Variants in SLC5A9 observed in about 807,000 individuals in gnomAD.
SLC5A9 encodes the protein solute carrier family 5 member 9.
Under a neutral mutation model 70.9 loss-of-function variants are expected in SLC5A9, and 59 were observed. The observed-to-expected ratio is 0.83, with a 90% confidence interval of 0.68 to 1.03. The LOEUF (loss-of-function observed/expected upper bound fraction) is 1.03. Ranked by LOEUF, SLC5A9 falls within the 50% of genes least tolerant of loss-of-function variation. SLC5A9 has a pLI of 0.00. For missense variants in SLC5A9, 832 were observed against 881.1 expected, an observed-to-expected ratio of 0.94 and a Z score of 0.71; for synonymous variants, 340 against 346.5, an observed-to-expected ratio of 0.98 and a Z score of 0.21.
At chr1:48,229,166 G>T in intron 3 of SLC5A9, 129 bp from the exon 4 acceptor site, 5 of 1,614,054 alleles carry the variant, frequency 3.1e-6, no homozygotes, top group Non-Finnish European at 3.4e-6. Context: ...GAGGACTGGG[G>T]TCAGGTCCCA....
At chr1:48,244,824 TTA>T (rs796467438) in intron 13 of SLC5A9, among the ~76,000 whole-genome samples, 3,462 of 74,892 alleles carry the variant, frequency 0.046, 113 homozygotes, top group African/African-American at 0.076. Flanking sequence ...TATATTTATA[TTA>T]TATATATAAA....
chr1:48,227,068 CGT>C (rs1483297935), intron 2 of SLC5A9, among the ~76,000 whole-genome samples: 1 of 151,082 alleles, frequency 6.6e-6, no homozygotes, highest in Non-Finnish European at 1.5e-5. Flanking sequence ...TGTATGTGCA[CGT>C]GTGTGCATAC....
rs770282251 is a variant in SLC5A9 at position 48,233,656 on chromosome 1, C to G, written c.1035C>G (p.Asp345Glu). ...PGMISRALFP[D>E]EVGCVDPDVC... ...TAACTGCCATTACTTCTTCCACAGA[C>G]GAGGTGGGCTGCGTGGACCCTGATG... is the stretch of plus-strand genomic sequence containing the variant. The change falls in exon 9 of 14, where the codon GAC becomes GAG. Residue 345 changes from aspartate (D) to glutamate (E), a missense_variant and splice_region_variant. Asp to Glu is a conservative substitution (Grantham distance 45). Coordinates refer to ENST00000438567, the MANE Select transcript of SLC5A9 (RefSeq NM_001011547.3). The G allele has an allele frequency of 5.0e-6, 8 of 1,613,344 alleles. No homozygotes were observed. Among genetic ancestry groups the G allele is most frequent in the Non-Finnish European group, 5.9e-6 (7 of 1,179,544 alleles).
Position 48,237,747 on chromosome 1 carries a change from G to A in SLC5A9, c.1361G>A (p.Gly454Glu). Residue 454 changes from glycine to glutamate, a missense_variant, in exon 11 of 14, where the codon GGG (glycine) becomes GAG (glutamate). Physicochemically the swap from Gly to Glu is moderately conservative, Grantham distance 98. Transcript: ENST00000438567. ...CCCATCATCCAAAGCTCCAACAGTG[G>A]GCAGCTCTTCGACTACATCCAGGCT... ...WIPIIQSSNS[G>E]QLFDYIQAVT... 1.9e-6 allele frequency: 3 copies of A among 1,614,022 alleles called. No individual in the cohort carries two copies. The highest frequency in any genetic ancestry group is 2.5e-6 in the Non-Finnish European group (3 of 1,180,006).
At chr1:48,227,490 CAT>C (rs1432524232) in intron 2 of SLC5A9, among the ~76,000 whole-genome samples, 2 of 110,946 alleles carry the variant, frequency 1.8e-5, no homozygotes, top group Non-Finnish European at 3.5e-5. Flanking sequence ...GGCGTGAGTG[CAT>C]GTGTGTGTCA....
At chr1:48,223,585 G>A (rs921025092) in intron 1 of SLC5A9, among the ~76,000 whole-genome samples, 17 of 152,276 alleles carry the variant, frequency 1.1e-4, no homozygotes, top group Middle Eastern at 3.4e-3. Flanking sequence ...CCTGGTGCCC[G>A]ATCAGCAGGC....
chr1:48,237,319 GA>G (rs1385157749), intron 10 of SLC5A9, among the ~76,000 whole-genome samples: 2 of 122,832 alleles, frequency 1.6e-5, no homozygotes, highest in African/African-American at 6.4e-5. Flanking sequence ...GGATGGAAAA[GA>G]GAAGACATTC....
At chr1:48,225,036 C>T (rs1256755929) in intron 2 of SLC5A9, among the ~76,000 whole-genome samples, 11 of 150,782 alleles carry the variant, frequency 7.3e-5, no homozygotes, top group Non-Finnish European at 1.3e-4. Flanking sequence ...CTACATCTGG[C>T]ACTTGACTTG....
Position 48,235,712 on chromosome 1 carries a change from G to T in SLC5A9, c.1142-17G>T, listed in dbSNP as rs1175131578. 6.2e-7 allele frequency: 1 copy of T among 1,613,922 alleles called. No individual in the cohort carries two copies. The highest frequency in any genetic ancestry group is 8.5e-7 in the Non-Finnish European group (1 of 1,179,946). ...CTTAATGGGCCAGCCGTTCACATGAGCCTCGTCTCTCCCCAGGTCTGCGGG... is the reference window on the plus strand; with the variant it reads ...CTTAATGGGCCAGCCGTTCACATGATCCTCGTCTCTCCCCAGGTCTGCGGG... On this transcript the variant is annotated splice_polypyrimidine_tract_variant and intron_variant, in intron 9 of 13. Coordinates refer to ENST00000438567, the MANE Select transcript of SLC5A9 (RefSeq NM_001011547.3).
intron 12 of SLC5A9, 190 bp from the exon 13 acceptor site, chr1:48,242,267 A>G: frequency 3.1e-6 from 2 of 638,176 alleles, no homozygotes; most frequent in South Asian, 3.8e-5. Context: ...CCTGGTGTAG[A>G]GCAGGAATTG....
At chr1:48,241,707 T>G (rs887444287) in intron 12 of SLC5A9, among the ~76,000 whole-genome samples, 3 of 149,352 alleles carry the variant, frequency 2.0e-5, no homozygotes, top group African/African-American at 7.4e-5. Context: ...ACATGTTCTC[T>G]CTCTCTCTCT....
chr1:48,238,729 C>G (rs1644359194), intron 11 of SLC5A9, among the ~76,000 whole-genome samples: 1 of 152,146 alleles, frequency 6.6e-6, no homozygotes, highest in Non-Finnish European at 1.5e-5. Context: ...TCTGCTCATT[C>G]CAAAGTTTTT....
intron 1 of SLC5A9, 86 bp from the exon 2 acceptor site, chr1:48,224,638 C>G: frequency 1.5e-6 from 2 of 1,370,096 alleles, no homozygotes; most frequent in Non-Finnish European, 2.1e-6. Flanking sequence ...GTGCCTGCAC[C>G]GAGGGGAAGG....
In SLC5A9 at chr1:48,235,832, G is replaced by A. The variant is rs765439220; in HGVS notation, c.1245G>A (p.Gln415=). 113 of 1,614,092 alleles carry A rather than the reference G, an allele frequency of 7.0e-5. No individual in the cohort carries two copies. The highest frequency in any genetic ancestry group is 9.6e-5 in the Non-Finnish European group (113 of 1,180,044). ...SSTLFTIDVW[Q]RFRRKSTEQE... ...CCCTGTTCACCATTGATGTGTGGCA[G>A]CGCTTCCGCAGGAAGTCAACAGAGC... The change falls in exon 10 of 14, where the codon CAG becomes CAA. Residue 415 remains glutamine, a synonymous_variant. Coordinates refer to ENST00000438567, the MANE Select transcript of SLC5A9 (RefSeq NM_001011547.3).
intron 2 of SLC5A9, among the ~76,000 whole-genome samples, chr1:48,225,705 C>T (rs779456104): frequency 1.9e-4 from 29 of 152,070 alleles, no homozygotes; most frequent in Non-Finnish European, 2.8e-4. Context: ...CATACATGCC[C>T]GCACTCATAC....
chr1:48,241,872 C>G (rs1644395325), intron 12 of SLC5A9: 1 of 455,090 alleles, frequency 2.2e-6, no homozygotes, highest in African/African-American at 2.0e-5. Flanking sequence ...ATTAGCCTCT[C>G]CCATGTCCCT....
intron 5 of SLC5A9, 144 bp from the exon 6 acceptor site, chr1:48,231,401 C>T (rs1454150990): frequency 1.2e-5 from 12 of 1,001,740 alleles, no homozygotes; most frequent in South Asian, 3.4e-5. Context: ...ACACTAGGTG[C>T]GGAGAAAGGC....
In SLC5A9 at chr1:48,239,261, T is replaced by G. The variant is rs1644364904; in HGVS notation, c.1462-61T>G. 5 of 1,276,940 alleles carry G rather than the reference T, an allele frequency of 3.9e-6. No individual in the cohort carries two copies. 79.1% of individuals were successfully genotyped at this position (1,276,940 alleles called of 1,614,324 possible). ...AGAGAGATTTGGGGAGAGAGTAGTT[T>G]TACCTTCCTAGGGTCTCCCACCTGG... On this transcript the variant is annotated intron_variant, in intron 11 of 13. Transcript: ENST00000438567. This position sits in a 1 kb window ranked among gnomAD's most constrained non-coding sequence, Gnocchi z 4.2.
chr1:48,237,670 C>T lies in SLC5A9; in HGVS notation c.1293-9C>T. On this transcript the variant is annotated splice_polypyrimidine_tract_variant and intron_variant, in intron 10 of 13. Transcript: ENST00000438567. The stretch of plus-strand genomic sequence containing the variant: ...AGTGTGCCTCAGTGCCCTGTGCTCT[C>T]TCTGGCAGAGTGTTTGTGGTGTTCC... 1 of 1,613,694 alleles carries T rather than the reference C, an allele frequency of 6.2e-7. No individual in the cohort carries two copies. The highest frequency in any genetic ancestry group is 8.5e-7 in the Non-Finnish European group (1 of 1,179,776).
Sources: gnomAD v4.1 joint callset for allele counts (sites outside exome capture counted in the v4.1 genomes callset) on GRCh38, gnomAD v4.1.1 for gene constraint, Gnocchi (gnomAD v3.1) non-coding constraint, MANE v1.5 for transcripts, NCBI Gene and HGNC (gene_info 2026-07-23, HGNC 2026-07-21) for gene names.